Variants in VAPB observed in about 807,000 individuals in gnomAD.
VAPB encodes the protein vesicle-associated membrane protein-associated protein B/C.
VAPB carries 7 observed loss-of-function variants against 25.6 expected under a neutral mutation model. The observed-to-expected ratio is 0.27, with a 90% CI of 0.16 to 0.51. The LOEUF (loss-of-function observed/expected upper bound fraction) is 0.51. Among genes scored for constraint, VAPB ranks in the 20% least tolerant of loss-of-function variants. The pLI is 0.97. For synonymous variants in VAPB, 112 were observed against 109.2 expected, an observed-to-expected ratio of 1.03 and a Z score of -0.16; for missense variants, 266 against 301.3, an observed-to-expected ratio of 0.88 and a Z score of 0.87.
intron 3 of VAPB, among the ~76,000 whole-genome samples, chr20:58,438,310 C>A (rs893336477): frequency 6.6e-6 from 1 of 152,186 alleles, no homozygotes; most frequent in South Asian, 2.1e-4. Flanking sequence ...CAGAGTCTCT[C>A]AGTGTCCCCC....
chr20:58,423,414 C>CAAAAAAAAAAAAAAAAAACAAAAAAAAA (rs1988712412), intron 2 of VAPB, among the ~76,000 whole-genome samples: 1 of 34,758 alleles, frequency 2.9e-5, no homozygotes, highest in Non-Finnish European at 5.0e-5. Flanking sequence ...CTCCATCTCA[C>CAAAAAAAAAAAAAAAAAACAAAAAAAAA]AAAAAAAAAA....
At chr20:58,422,468 T>G (rs1988688883) in intron 2 of VAPB, among the ~76,000 whole-genome samples, 1 of 152,208 alleles carries the variant, frequency 6.6e-6, no homozygotes, top group South Asian at 2.1e-4. Context: ...AACGAATTGT[T>G]TTGAGGCAGT....
rs561872375 is a variant in VAPB, at chr20:58,436,787, G to A, written c.315+2082G>A. 5.0e-4 allele frequency among the ~76,000 whole-genome samples: 76 copies of A among 152,136 alleles called. 1 individual carries two copies. Among genetic ancestry groups the A allele is most frequent in the African/African-American group, 1.6e-3 (67 of 41,482 alleles). ...GTCACAAACTTTCTTATTTGCTTGA[G>A]ATGCAAATTTATGACACTTCACCCC... On this transcript the variant is annotated intron_variant, in intron 3 of 5. Transcript: ENST00000475243.
intron 1 of VAPB, among the ~76,000 whole-genome samples, chr20:58,417,646 C>G (rs1025664039): frequency 6.6e-6 from 1 of 152,174 alleles, no homozygotes. Context: ...ACTAAGTTTT[C>G]TGTAGCAACA....
At chr20:58,400,111 G>A (rs761559453) in intron 1 of VAPB, among the ~76,000 whole-genome samples, 19 of 152,118 alleles carry the variant, frequency 1.2e-4, no homozygotes, top group African/African-American at 3.1e-4. Context: ...ATTTGTACCC[G>A]GGTCTTACAG....
In VAPB at chr20:58,389,752, C is replaced by G. The variant is rs907017875; in HGVS notation, c.58+235C>G. On this transcript the variant is annotated intron_variant, in intron 1 of 5. Transcript: ENST00000475243. ...CGGGGCCTGCGCCTCCTCCCCGACC[C>G]CCAGCCTCCTGGGACTTGCCTTCGA... Among the ~76,000 whole-genome samples the G allele has an allele frequency of 2.6e-5, 4 of 152,190 alleles. No homozygotes were observed. The East Asian group carries it at 7.7e-4, about 29-fold the overall frequency.
intron 1 of VAPB, among the ~76,000 whole-genome samples, chr20:58,396,856 C>T (rs1340004437): frequency 2.0e-5 from 3 of 152,162 alleles, no homozygotes; most frequent in African/African-American, 4.8e-5. Context: ...GTGTAACAAT[C>T]GTATGAGATG....
At chr20:58,393,138 A>G (rs1157441208) in intron 1 of VAPB, among the ~76,000 whole-genome samples, 1 of 152,092 alleles carries the variant, frequency 6.6e-6, no homozygotes, top group Non-Finnish European at 1.5e-5. Flanking sequence ...GGCTCAAGAG[A>G]TCCTCCTGCT....
At position 58,449,791 on chromosome 20, in the gene VAPB, AGATGC is replaced by A; in HGVS notation, c.*5557_*5561del. ...TGGCTAATGGATGTGGGTGCAGGACAGATGCTCGCTTGCTGGCCTGCTTTCCTGCT... is the reference window on the plus strand; with the variant it reads ...TGGCTAATGGATGTGGGTGCAGGACATCGCTTGCTGGCCTGCTTTCCTGCT... On this transcript the variant is annotated 3_prime_UTR_variant, in exon 6 of 6. Coordinates refer to ENST00000475243, the MANE Select transcript of VAPB (RefSeq NM_004738.5). 1 of 454,100 alleles carries A rather than the reference AGATGC, an allele frequency of 2.2e-6. No homozygotes were observed. The highest frequency in any genetic ancestry group is 4.4e-6 in the Non-Finnish European group (1 of 226,746). 28.1% of individuals were successfully genotyped at this position (454,100 alleles called of 1,614,324 possible). A position where few individuals can be genotyped will look rare whatever the true frequency, so the allele number is the denominator to read the frequency against.
chr20:58,394,269 G>T (rs1987893431), intron 1 of VAPB, among the ~76,000 whole-genome samples: 1 of 152,186 alleles, frequency 6.6e-6, no homozygotes, highest in African/African-American at 2.4e-5. Context: ...GGAAAAGTTG[G>T]CTTAGACTCT....
chr20:58,392,499 G>GTTGT (rs1056564400), intron 1 of VAPB, among the ~76,000 whole-genome samples: 1 of 152,202 alleles, frequency 6.6e-6, no homozygotes, highest in Non-Finnish European at 1.5e-5. Context: ...CATGAGGTGT[G>GTTGT]TTGTTTGTTT....
At chr20:58,441,124 GT>G in intron 5 of VAPB, 41 bp downstream of exon 5, 2 of 1,602,610 alleles carry the variant, frequency 1.2e-6, no homozygotes, top group Non-Finnish European at 1.7e-6. Context: ...AAACAAGGGC[GT>G]TTTCACTAGC....
chr20:58,439,281 C>A, intron 4 of VAPB: 1 of 489,172 alleles, frequency 2.0e-6, no homozygotes, highest in South Asian at 2.2e-5. Flanking sequence ...TGTCATAAAT[C>A]CTGAAGAGCT....
chr20:58,445,788 G>C lies in VAPB; in HGVS notation c.*1553G>C, dbSNP rs1193825881. The C allele has an allele frequency of 8.8e-6, 4 of 453,576 alleles. No individual in the cohort carries two copies. Among genetic ancestry groups the C allele is most frequent in the Admixed American group, 2.4e-5 (1 of 42,502 alleles). 28.1% of individuals were successfully genotyped at this position (453,576 alleles called of 1,614,324 possible). Reference sequence around the variant, plus strand: ...AAACTGCTGAAAAAGCTGAGCACCTGGTCACCCTTGGCCTTCCATTGCTTT... The same window carrying C: ...AAACTGCTGAAAAAGCTGAGCACCTCGTCACCCTTGGCCTTCCATTGCTTT... On this transcript the variant is annotated 3_prime_UTR_variant, in exon 6 of 6. Transcript: ENST00000475243.
At chr20:58,432,127 C>T (rs1988940644) in intron 2 of VAPB, among the ~76,000 whole-genome samples, 2 of 152,050 alleles carry the variant, frequency 1.3e-5, no homozygotes, top group Non-Finnish European at 2.9e-5. Flanking sequence ...ACACAGTGCT[C>T]TTGGCTGTAC....
chr20:58,405,678 C>T (rs1338046975), intron 1 of VAPB, among the ~76,000 whole-genome samples: 1 of 148,900 alleles, frequency 6.7e-6, no homozygotes, highest in African/African-American at 2.5e-5. Context: ...CTCCTAAACT[C>T]CTGAGCTCAG....
At chr20:58,396,338 A>G (rs778300681) in intron 1 of VAPB, among the ~76,000 whole-genome samples, 12 of 152,074 alleles carry the variant, frequency 7.9e-5, no homozygotes, top group South Asian at 4.1e-4. Context: ...ATGTGTTTCA[A>G]TTACTACATT....
intron 2 of VAPB, among the ~76,000 whole-genome samples, chr20:58,433,404 G>T (rs533023579): frequency 3.3e-5 from 5 of 152,314 alleles, no homozygotes; most frequent in Non-Finnish European, 7.3e-5. Flanking sequence ...GGAAGCACCT[G>T]GGAAGTCCTA....
In VAPB at chr20:58,442,666, C is replaced by T. The variant is rs190577563; in HGVS notation, c.574-1411C>T. 1.1e-4 allele frequency among the ~76,000 whole-genome samples: 17 copies of T among 152,250 alleles called. No homozygotes were observed. The East Asian group carries it at 2.9e-3, about 26-fold the overall frequency. On this transcript the variant is annotated intron_variant, in intron 5 of 5. Transcript: ENST00000475243. ...ATTTACTGAGGGTCTAATATGTGCC[C>T]GGCACTGTGGATTCAAACACGAACA...
Sources: gnomAD v4.1 joint callset for allele counts (sites outside exome capture counted in the v4.1 genomes callset) on GRCh38, gnomAD v4.1.1 for gene constraint, MANE v1.5 for transcripts, NCBI Gene and HGNC (gene_info 2026-07-23, HGNC 2026-07-21) for gene names.